AGBL3: variants seen among roughly 807,000 people sequenced by gnomAD.
AGBL3 encodes the protein cytosolic carboxypeptidase 3.
A neutral mutation model predicts 94.5 loss-of-function variants in AGBL3; 68 were observed. The observed-to-expected ratio is 0.72, with a 90% CI of 0.59 to 0.88. The LOEUF (loss-of-function observed/expected upper bound fraction) is 0.88. AGBL3 is among the 40% of genes least tolerant of loss of function. AGBL3 has a pLI of 0.00. For synonymous variants in AGBL3, 354 were observed against 370.7 expected, an observed-to-expected ratio of 0.95 and a Z score of 0.52; for missense variants, 934 against 1,103.8, an observed-to-expected ratio of 0.85 and a Z score of 2.18.
At chr7:135,042,783 T>G (rs1238430470) in intron 8 of AGBL3, among the ~76,000 whole-genome samples, 1 of 152,066 alleles carries the variant, frequency 6.6e-6, no homozygotes, top group East Asian at 1.9e-4. Flanking sequence ...TGGTGGTAAG[T>G]GCCTGTGGTC....
intron 7 of AGBL3, among the ~76,000 whole-genome samples, chr7:135,036,549 T>A (rs1014009466): frequency 6.6e-6 from 1 of 152,206 alleles, no homozygotes; most frequent in Non-Finnish European, 1.5e-5. Flanking sequence ...TGCATAGCAC[T>A]GTTCTAGATG....
In AGBL3 at chr7:135,034,546, C is replaced by T. The variant is rs556037195; in HGVS notation, c.955C>T (p.Arg319Trp). The T allele has an allele frequency of 4.6e-5, 72 of 1,551,870 alleles. No homozygotes were observed. The highest frequency in any genetic ancestry group is 2.2e-4 in the East Asian group (9 of 40,930). Reference protein sequence around the residue: ...YLSGINNDPVRSKFCKIRVLC... With the variant: ...YLSGINNDPVWSKFCKIRVLC... ...TTCTGGCATCAATAATGATCCAGTA[C>T]GGTCAAAGTTTTGTAAAATACGTGT... is the stretch of plus-strand genomic sequence containing the variant. The change falls in exon 7 of 17, where the codon CGG (arginine) becomes TGG (tryptophan). Residue 319 changes from arginine (R) to tryptophan (W), a missense_variant. Physicochemically the swap from Arg to Trp is moderately radical, Grantham distance 101. Around this residue, in one of 3 missense-constraint regions of AGBL3, gnomAD observed 488 missense variants for 563.6 expected, o/e 0.87. Transcript: ENST00000436302.
intron 11 of AGBL3, among the ~76,000 whole-genome samples, chr7:135,051,678 A>T (rs993256177): frequency 6.6e-6 from 1 of 152,130 alleles, no homozygotes; most frequent in Admixed American, 6.6e-5. Context: ...TTTCCAGTTC[A>T]AATTTAAGAT....
chr7:135,020,261 C>T (rs1256389192), intron 5 of AGBL3, among the ~76,000 whole-genome samples: 3 of 152,186 alleles, frequency 2.0e-5, no homozygotes, highest in Non-Finnish European at 2.9e-5. Flanking sequence ...TATGAACAGA[C>T]ACTTCTCAAA....
chr7:135,107,284 T>C (rs1016480300), intron 15 of AGBL3, among the ~76,000 whole-genome samples: 1 of 152,204 alleles, frequency 6.6e-6, no homozygotes, highest in Non-Finnish European at 1.5e-5. Flanking sequence ...CCTGCTTCTC[T>C]AGTTATTTTA....
At chr7:135,033,536 T>C (rs1267322081) in intron 6 of AGBL3, among the ~76,000 whole-genome samples, 2 of 152,132 alleles carry the variant, frequency 1.3e-5, no homozygotes, top group Non-Finnish European at 2.9e-5. Context: ...TAGAGAAAAA[T>C]AGTCACAACT....
intron 4 of AGBL3, among the ~76,000 whole-genome samples, chr7:135,006,729 G>C (rs914394271): frequency 2.0e-5 from 3 of 151,906 alleles, no homozygotes; most frequent in Non-Finnish European, 4.4e-5. Context: ...TTGCAAAGAA[G>C]TTATGTGAAA....
chr7:135,054,718 C>T (rs1268983993), intron 11 of AGBL3, among the ~76,000 whole-genome samples: 1 of 152,094 alleles, frequency 6.6e-6, no homozygotes, highest in Admixed American at 6.6e-5. Flanking sequence ...ATACACATTA[C>T]TGTAGTTATA....
chr7:135,111,694 T>C (rs946161111), intron 15 of AGBL3, among the ~76,000 whole-genome samples: 1 of 152,230 alleles, frequency 6.6e-6, no homozygotes, highest in Non-Finnish European at 1.5e-5. Context: ...TAGCCATTCA[T>C]GAAACGTGTT....
chr7:135,034,498 T>TA lies in AGBL3; in HGVS notation c.908dup (p.Tyr303Ter). 1 of 1,551,922 alleles carries TA rather than the reference T, an allele frequency of 6.4e-7. No individual in the cohort carries two copies. The highest frequency in any genetic ancestry group is 8.7e-7 in the Non-Finnish European group (1 of 1,147,038). Residue 303 changes from tyrosine (Y) to a stop codon, truncating the protein, a stop_gained and frameshift_variant, in exon 7 of 17, where the codon TAC (tyrosine) becomes TAAC (stop). Transcript: ENST00000436302. LOFTEE classifies it high-confidence loss of function. Reference sequence around the variant, plus strand: ...CTTTGCTCATTGCTATCCATACACTTACACCAACCTGCAAGAATACCTTTC... The same window carrying TA: ...CTTTGCTCATTGCTATCCATACACTTAACACCAACCTGCAAGAATACCTTTC... ...CYFAHCYPYT[Y>*]TNLQEYLSGI...
At chr7:135,048,445 T>C (rs1004197126) in intron 11 of AGBL3, among the ~76,000 whole-genome samples, 2 of 144,686 alleles carry the variant, frequency 1.4e-5, no homozygotes, top group African/African-American at 5.1e-5. Flanking sequence ...CTTAGAGTAG[T>C]ATAGGCATTT....
chr7:135,021,562 G>C (rs9642011), intron 5 of AGBL3, among the ~76,000 whole-genome samples: 139,686 of 150,526 alleles, frequency 0.93, 65,608 homozygotes, highest in Non-Finnish European at 1. Flanking sequence ...AAAGTGCTGG[G>C]ATTACAGGCG....
intron 8 of AGBL3, 117 bp from the exon 9 acceptor site, chr7:135,043,908 G>C: frequency 3.8e-6 from 5 of 1,312,934 alleles, no homozygotes; most frequent in Non-Finnish European, 5.0e-6. Flanking sequence ...AGTAGCTCCT[G>C]AAGCTTTAGT....
chr7:135,134,842 C>T lies in AGBL3; in HGVS notation c.2344C>T (p.Leu782=). 5 of 1,548,882 alleles carry T rather than the reference C, an allele frequency of 3.2e-6. No homozygotes were observed. Among genetic ancestry groups the T allele is most frequent in the East Asian group, 2.4e-5 (1 of 40,890 alleles). Residue 782 remains leucine (L), a splice_region_variant and synonymous_variant, in exon 17 of 17, where the codon CTA becomes TTA. Transcript: ENST00000436302. Reference sequence around the variant, plus strand: ...TCACGTATTTCATTTCTTTTCTAGACTAAATCCGGCTACTTGCAGAAATAT... The same window carrying T: ...TCACGTATTTCATTTCTTTTCTAGATTAAATCCGGCTACTTGCAGAAATAT... ...PRTNFQIQHQ[L]NPATCRNIKK...
intron 4 of AGBL3, among the ~76,000 whole-genome samples, 178 bp downstream of exon 4, chr7:134,993,856 A>C (rs190765263): frequency 5.1e-4 from 78 of 152,382 alleles, no homozygotes; most frequent in African/African-American, 1.7e-3. Context: ...AAAAAGAAGA[A>C]AATGAAATTA....
Position 135,045,918 on chromosome 7 carries a change from C to G in AGBL3, c.1841+7C>G. 6.7e-7 allele frequency: 1 copy of G among 1,495,468 alleles called. No homozygotes were observed. The highest frequency in any genetic ancestry group is 9.1e-7 in the Non-Finnish European group (1 of 1,101,854). 92.6% of individuals were successfully genotyped at this position (1,495,468 alleles called of 1,614,324 possible). On this transcript the variant is annotated splice_region_variant and intron_variant, in intron 11 of 16. Transcript: ENST00000436302. ...CATTGGATGTAGAGTCTAGGTAACT[C>G]AAGGCTGCTGAAGTAATGCAATTTG... is the stretch of plus-strand genomic sequence containing the variant.
intron 5 of AGBL3, among the ~76,000 whole-genome samples, chr7:135,020,353 A>T (rs1814294672): frequency 1.3e-5 from 2 of 152,262 alleles, no homozygotes; most frequent in Admixed American, 6.5e-5. Flanking sequence ...TCAAAACCAC[A>T]ATGAGATACC....
At chr7:135,080,985 T>C (rs533596159) in intron 14 of AGBL3, among the ~76,000 whole-genome samples, 3 of 151,684 alleles carry the variant, frequency 2.0e-5, no homozygotes, top group South Asian at 2.1e-4. Context: ...GTTTATGATG[T>C]AGCAAAATAA....
At chr7:135,130,001 A>T (rs1175322786) in intron 16 of AGBL3, among the ~76,000 whole-genome samples, 2 of 152,218 alleles carry the variant, frequency 1.3e-5, no homozygotes, top group African/African-American at 4.8e-5. Flanking sequence ...CCCAAGCTTT[A>T]CATAAGGAGA....
Sources: gnomAD v4.1 joint callset for allele counts (sites outside exome capture counted in the v4.1 genomes callset) on GRCh38, gnomAD v4.1.1 for gene constraint, gnomAD v4.1.1 regional missense constraint, MANE v1.5 for transcripts, NCBI Gene and HGNC (gene_info 2026-07-23, HGNC 2026-07-21) for gene names.